Variants in PLSCR2 observed in about 807,000 individuals in gnomAD.
The protein encoded by PLSCR2 is phospholipid scramblase 2.
In PLSCR2, 18 loss-of-function variants were observed where a neutral mutation model predicts 25.3. The observed-to-expected ratio is 0.71, with a 90% CI of 0.49 to 1.06. The LOEUF is 1.06. PLSCR2 is among the 50% of genes least tolerant of loss of function. The probability of loss-of-function intolerance (pLI) is 0.00; values close to 1 mark genes in which losing one functional copy is unlikely to be tolerated. For missense variants in PLSCR2, 243 were observed against 269.5 expected (o/e 0.90, Z 0.69); for synonymous variants, 88 against 87.3 (o/e 1.01, Z -0.04).
intron 2 of PLSCR2, among the ~76,000 whole-genome samples, chr3:146,409,174 G>A (rs1052066160): frequency 2.6e-5 from 4 of 152,072 alleles, no homozygotes; most frequent in Non-Finnish European, 5.9e-5. Flanking sequence ...TAAGAAGGGG[G>A]CTGAGCGCTC....
chr3:146,477,750 T>G (rs2042969832), intron 1 of PLSCR2, among the ~76,000 whole-genome samples: 1 of 152,186 alleles, frequency 6.6e-6, no homozygotes, highest in Non-Finnish European at 1.5e-5. Flanking sequence ...AGCACAGCAT[T>G]TGAGCTCTGA....
intron 1 of PLSCR2, among the ~76,000 whole-genome samples, chr3:146,468,434 G>A (rs1036205986): frequency 6.6e-6 from 1 of 152,234 alleles, no homozygotes; most frequent in African/African-American, 2.4e-5. Flanking sequence ...CCTGCAACTG[G>A]CAAGTGGCCA....
At chr3:146,402,558 C>T (rs1264777340) in intron 2 of PLSCR2, among the ~76,000 whole-genome samples, 1 of 152,030 alleles carries the variant, frequency 6.6e-6, no homozygotes, top group Admixed American at 6.6e-5. Flanking sequence ...ACCTCCGCCT[C>T]CCAGGTTCAA....
At chr3:146,466,253 C>T (rs2041861729) in intron 1 of PLSCR2, among the ~76,000 whole-genome samples, 1 of 152,020 alleles carries the variant, frequency 6.6e-6, no homozygotes, top group African/African-American at 2.4e-5. Context: ...GCTCTGCAAC[C>T]TCTGCCTCCT....
chr3:146,423,247 CT>C, intron 2 of PLSCR2, among the ~76,000 whole-genome samples: 1 of 116,632 alleles, frequency 8.6e-6, no homozygotes, highest in Non-Finnish European at 1.8e-5. Flanking sequence ...CTCTCTCTCT[CT>C]CTCTCTCTCT....
intron 1 of PLSCR2, among the ~76,000 whole-genome samples, chr3:146,474,171 T>A (rs943227363): frequency 6.6e-6 from 1 of 152,236 alleles, no homozygotes; most frequent in African/African-American, 2.4e-5. Flanking sequence ...TATACACTTA[T>A]GTGAAGACTG....
rs142520103 is a variant in PLSCR2, at chr3:146,484,148, A to C, written c.-293+11747T>G. On this transcript the variant is annotated intron_variant, in intron 1 of 8. Transcript: ENST00000336685. ...CACAAGAACTTTGTGATGCAAACACAAGTAAAATAGCCAAATCGATGAAGC... is the reference window on the plus strand; with the variant it reads ...CACAAGAACTTTGTGATGCAAACACCAGTAAAATAGCCAAATCGATGAAGC... Among the ~76,000 whole-genome samples the C allele has an allele frequency of 1.4e-3, 207 of 151,620 alleles. 4 individuals are homozygous for C. The East Asian group carries it at 0.03, about 22-fold the overall frequency.
At chr3:146,417,327 C>A (rs1233730466) in intron 2 of PLSCR2, among the ~76,000 whole-genome samples, 1 of 151,748 alleles carries the variant, frequency 6.6e-6, no homozygotes, top group East Asian at 1.9e-4. Context: ...CAAATAGATA[C>A]AAGAAAAAAT....
chr3:146,410,245 G>A (rs2038801628), intron 2 of PLSCR2, among the ~76,000 whole-genome samples: 1 of 152,090 alleles, frequency 6.6e-6, no homozygotes. Context: ...GAGTAGCCAC[G>A]GAGGAACAGA....
At chr3:146,474,250 C>T (rs963540791) in intron 1 of PLSCR2, among the ~76,000 whole-genome samples, 2 of 152,076 alleles carry the variant, frequency 1.3e-5, no homozygotes, top group Non-Finnish European at 2.9e-5. Context: ...TCAAAACATG[C>T]TATCTTTTTT....
chr3:146,457,430 A>G (rs1006525327), intron 3 of PLSCR2, among the ~76,000 whole-genome samples: 4 of 152,236 alleles, frequency 2.6e-5, no homozygotes, highest in East Asian at 1.9e-4. Context: ...ACCTAAGAAC[A>G]TAACTGGTGG....
intron 5 of PLSCR2, among the ~76,000 whole-genome samples, chr3:146,450,456 T>G (rs1209726251): frequency 6.6e-6 from 1 of 152,268 alleles, no homozygotes; most frequent in African/African-American, 2.4e-5. Flanking sequence ...TTCATTTCAT[T>G]TTTCCTCCCA....
intron 1 of PLSCR2, among the ~76,000 whole-genome samples, chr3:146,495,608 T>G (rs1170126270): frequency 6.6e-6 from 1 of 152,050 alleles, no homozygotes; most frequent in Non-Finnish European, 1.5e-5. Flanking sequence ...CAGTGAGAAG[T>G]TGGTCATCTG....
intron 2 of PLSCR2, among the ~76,000 whole-genome samples, chr3:146,397,558 T>C (rs1207646433): frequency 6.6e-6 from 1 of 152,166 alleles, no homozygotes; most frequent in Non-Finnish European, 1.5e-5. Context: ...TTCCCTTTCT[T>C]GCTCCTCTTA....
intron 3 of PLSCR2, among the ~76,000 whole-genome samples, chr3:146,393,123 G>A (rs908256878): frequency 2.1e-5 from 3 of 143,650 alleles, no homozygotes; most frequent in African/African-American, 7.8e-5. Flanking sequence ...CCGCCTCCCT[G>A]GTTCACGCCA....
At chr3:146,442,281 G>T (rs1338807033) in intron 6 of PLSCR2, among the ~76,000 whole-genome samples, 2 of 151,944 alleles carry the variant, frequency 1.3e-5, no homozygotes, top group Admixed American at 1.3e-4. Flanking sequence ...CAAACATTCT[G>T]TATACTGAAA....
chr3:146,486,453 A>G (rs2043347154), intron 1 of PLSCR2, among the ~76,000 whole-genome samples: 1 of 151,864 alleles, frequency 6.6e-6, no homozygotes, highest in South Asian at 2.1e-4. Flanking sequence ...AGAGAGAAGA[A>G]TCAAATAGAC....
chr3:146,470,010 G>A (rs1164276087), intron 1 of PLSCR2, among the ~76,000 whole-genome samples: 2 of 152,124 alleles, frequency 1.3e-5, no homozygotes, highest in Non-Finnish European at 2.9e-5. Flanking sequence ...CCATCCCTTA[G>A]AAGCCTGTAG....
chr3:146,400,055 A>G (rs1426669083), intron 2 of PLSCR2, among the ~76,000 whole-genome samples: 1 of 151,860 alleles, frequency 6.6e-6, no homozygotes, highest in East Asian at 1.9e-4. Context: ...CTCAAGCCAC[A>G]AAATATAGGT....
Sources: allele counts gnomAD v4.1 joint callset (sites outside exome capture counted in the v4.1 genomes callset), GRCh38; gene constraint gnomAD v4.1.1; transcripts MANE v1.5; gene names NCBI Gene and HGNC (gene_info 2026-07-23, HGNC 2026-07-21).